Variants in TBC1D22A observed in about 807,000 individuals in gnomAD.
TBC1D22A encodes the protein putative GTPase activator.
Under a neutral mutation model 60.2 loss-of-function variants are expected in TBC1D22A, and 38 were observed. That is an observed-to-expected ratio of 0.63 (90% CI 0.49 to 0.83). The LOEUF (loss-of-function observed/expected upper bound fraction) is 0.83, where lower values mean the gene tolerates loss of function less well. Among genes scored for constraint, TBC1D22A ranks in the 40% least tolerant of loss-of-function variants. TBC1D22A has a pLI of 0.00. For synonymous variants in TBC1D22A, 302 were observed against 281.7 expected (o/e 1.07, Z -0.72); for missense variants, 628 against 701.0 (o/e 0.90, Z 1.18).
At chr22:46,787,014 A>G (rs958389788) in intron 1 of TBC1D22A, among the ~76,000 whole-genome samples, 2 of 152,084 alleles carry the variant, frequency 1.3e-5, no homozygotes, top group Non-Finnish European at 2.9e-5. Flanking sequence ...CATGTTATGT[A>G]TCTAGTCATA....
intron 8 of TBC1D22A, among the ~76,000 whole-genome samples, chr22:46,936,143 G>T (rs2071638110): frequency 6.6e-6 from 1 of 152,238 alleles, no homozygotes; most frequent in South Asian, 2.1e-4. Context: ...GCATGTGCTG[G>T]TCACCTTGAC....
intron 1 of TBC1D22A, among the ~76,000 whole-genome samples, chr22:46,787,210 C>G (rs1211845277): frequency 6.6e-6 from 1 of 152,122 alleles, no homozygotes. Flanking sequence ...TAAGTCTTCT[C>G]TTTTTTCTTT....
At chr22:47,046,097 C>CCAGA (rs1427793026) in intron 11 of TBC1D22A, among the ~76,000 whole-genome samples, 1 of 152,128 alleles carries the variant, frequency 6.6e-6, no homozygotes, top group Non-Finnish European at 1.5e-5. Context: ...CTCCCTGGGC[C>CCAGA]TCTGGGTGAT....
At chr22:46,930,096 CAGA>C (rs2071271466) in intron 8 of TBC1D22A, among the ~76,000 whole-genome samples, 1 of 152,100 alleles carries the variant, frequency 6.6e-6, no homozygotes, top group Admixed American at 6.5e-5. Context: ...GCTCCCCAAG[CAGA>C]AGGTCAGCCC....
chr22:47,112,097 C>A (rs953164261), intron 12 of TBC1D22A, among the ~76,000 whole-genome samples: 5 of 152,240 alleles, frequency 3.3e-5, no homozygotes, highest in African/African-American at 7.2e-5. Flanking sequence ...GAGAGCCCTC[C>A]TCGCATGCCA....
chr22:46,841,235 G>A (rs757995746), intron 4 of TBC1D22A, among the ~76,000 whole-genome samples: 2 of 152,218 alleles, frequency 1.3e-5, no homozygotes, highest in African/African-American at 2.4e-5. Context: ...CCTCATGGAT[G>A]AGGTTAGGGC....
chr22:46,898,191 G>A (rs1026955900), intron 7 of TBC1D22A, among the ~76,000 whole-genome samples: 2 of 152,092 alleles, frequency 1.3e-5, no homozygotes, highest in Admixed American at 6.6e-5. Flanking sequence ...GACCTCTCAG[G>A]CCTCTTGGTC....
chr22:46,811,983 A>G (rs11090892), intron 4 of TBC1D22A, among the ~76,000 whole-genome samples: 67,263 of 151,732 alleles, frequency 0.44, 15,283 homozygotes, highest in African/African-American at 0.56. Context: ...TTTCCCTACC[A>G]GTAAAATCAA....
intron 9 of TBC1D22A, among the ~76,000 whole-genome samples, chr22:46,994,799 A>G (rs1047303242): frequency 2.0e-5 from 3 of 152,202 alleles, no homozygotes; most frequent in African/African-American, 7.2e-5. Context: ...TGCAACACAC[A>G]GTGTGCCCTA....
intron 1 of TBC1D22A, among the ~76,000 whole-genome samples, chr22:46,782,410 C>G (rs1395392870): frequency 1.3e-5 from 2 of 152,244 alleles, no homozygotes; most frequent in African/African-American, 4.8e-5. Flanking sequence ...CTCGAGCCTT[C>G]CCTTCCATGA....
At chr22:46,812,297 G>C (rs928630178) in intron 4 of TBC1D22A, among the ~76,000 whole-genome samples, 2 of 152,342 alleles carry the variant, frequency 1.3e-5, no homozygotes, top group Admixed American at 1.3e-4. Flanking sequence ...CTGCCTGCTC[G>C]TTCCCTGGCA....
chr22:46,925,657 T>G (rs1185876112), intron 8 of TBC1D22A, among the ~76,000 whole-genome samples: 2 of 152,260 alleles, frequency 1.3e-5, no homozygotes, highest in African/African-American at 4.8e-5. Flanking sequence ...CATTTCAATA[T>G]TGCTTTTTGC....
chr22:46,912,776 C>T (rs958296701), intron 8 of TBC1D22A, among the ~76,000 whole-genome samples: 1 of 152,142 alleles, frequency 6.6e-6, no homozygotes, highest in Non-Finnish European at 1.5e-5. Context: ...AGGGTGGTCT[C>T]GAACTCCTGA....
At chr22:46,969,579 T>C (rs2073965869) in intron 8 of TBC1D22A, among the ~76,000 whole-genome samples, 1 of 152,260 alleles carries the variant, frequency 6.6e-6, no homozygotes, top group African/African-American at 2.4e-5. Context: ...TGTCTGTTTT[T>C]ATGTGCCATG....
At chr22:47,159,454 A>G in intron 12 of TBC1D22A, among the ~76,000 whole-genome samples, 1 of 151,478 alleles carries the variant, frequency 6.6e-6, no homozygotes, top group East Asian at 1.9e-4. Flanking sequence ...GTATACACAC[A>G]GACACCACAC....
chr22:46,907,168 G>A (rs2069547951), intron 7 of TBC1D22A, among the ~76,000 whole-genome samples: 1 of 152,158 alleles, frequency 6.6e-6, no homozygotes, highest in Non-Finnish European at 1.5e-5. Flanking sequence ...CTCCGTGTGT[G>A]CACACATGCT....
intron 1 of TBC1D22A, among the ~76,000 whole-genome samples, chr22:46,782,199 C>T (rs572162236): frequency 3.3e-5 from 5 of 152,316 alleles, no homozygotes; most frequent in Admixed American, 6.5e-5. Context: ...GGACTACAGG[C>T]GTGCACCATC....
rs562442028 is a variant in TBC1D22A, at chr22:47,060,031, G to GACT, written c.1329+22834_1329+22836dup. Among the ~76,000 whole-genome samples the GACT allele has an allele frequency of 2.6e-4, 39 of 152,266 alleles. No homozygotes were observed. The East Asian group carries it at 6.2e-3, about 24-fold the overall frequency. ...CATGGCCGTCCTCCTGTCAGAAGAG[G>GACT]ACTCTGGGGGCTCGAGATCCTGGAG... On this transcript the variant is annotated intron_variant, in intron 11 of 12. Transcript: ENST00000337137.
Position 46,762,686 on chromosome 22 carries a change from G to A in TBC1D22A, c.-101G>A, listed in dbSNP as rs573216056. The A allele has an allele frequency of 5.3e-5, 54 of 1,026,254 alleles. 1 individual carries two copies. In the East Asian group the frequency reaches 8.8e-4, roughly 17 times the overall value. 63.6% of individuals were successfully genotyped at this position (1,026,254 alleles called of 1,614,324 possible). ...TCGGCTCTAGGCTCTGGAGTCCCGG[G>A]AGCAGTGAGGGGCCACCCGGGGCAC... On this transcript the variant is annotated 5_prime_UTR_variant, in exon 1 of 13. Transcript: ENST00000337137.
Sources: allele counts gnomAD v4.1 joint callset (sites outside exome capture counted in the v4.1 genomes callset), GRCh38; gene constraint gnomAD v4.1.1; transcripts MANE v1.5; gene names NCBI Gene and HGNC (gene_info 2026-07-23, HGNC 2026-07-21).